GTPBP10: variants seen among roughly 807,000 people sequenced by gnomAD.
GTPBP10 encodes GTP binding protein 10.
GTPBP10 carries 38 observed loss-of-function variants against 44.8 expected under a neutral mutation model. The ratio of observed to expected loss-of-function variants is 0.85; its 90% confidence interval spans 0.65 to 1.11. The LOEUF (loss-of-function observed/expected upper bound fraction) is 1.11, where lower values mean the gene tolerates loss of function less well. Among genes scored for constraint, GTPBP10 ranks in the 50% most tolerant of loss-of-function variants. The pLI, the probability that GTPBP10 is intolerant of heterozygous loss-of-function variation, is 0.00. For synonymous variants in GTPBP10, 152 were observed against 150.6 expected (o/e 1.01, Z -0.07); for missense variants, 462 against 453.7 (o/e 1.02, Z -0.17).
intron 4 of GTPBP10, among the ~76,000 whole-genome samples, chr7:90,368,867 T>C (rs780358441): frequency 1.3e-5 from 2 of 152,226 alleles, no homozygotes; most frequent in Non-Finnish European, 2.9e-5. Context: ...TGGAGGAGAA[T>C]AGGCACTCTG....
intron 3 of GTPBP10, among the ~76,000 whole-genome samples, chr7:90,354,765 A>G (rs571894370): frequency 5.9e-5 from 9 of 152,308 alleles, no homozygotes; most frequent in East Asian, 5.8e-4. Context: ...CTTAAAATAT[A>G]TAACTAGGCT....
At chr7:90,384,077 G>A (rs1196258626) in intron 9 of GTPBP10, among the ~76,000 whole-genome samples, 1 of 152,154 alleles carries the variant, frequency 6.6e-6, no homozygotes, top group East Asian at 1.9e-4. Context: ...AATTTTCAGA[G>A]GAAATACCGA....
rs1255830888 is a variant in GTPBP10, at chr7:90,358,958, T to C, written c.464+3728T>C. On this transcript the variant is annotated intron_variant, in intron 4 of 9. Transcript: ENST00000222511. ...GACATGGACATTTCTCAAAAGAAGA[T>C]ATGCATACAAATGGCCAATACGCAT... 3.3e-5 allele frequency among the ~76,000 whole-genome samples: 5 copies of C among 152,034 alleles called. No individual in the cohort carries two copies. In the East Asian group the frequency reaches 9.6e-4, roughly 29 times the overall value.
At chr7:90,374,179 A>G (rs569460341) in intron 5 of GTPBP10, 123 bp from the exon 6 acceptor site, 12 of 738,438 alleles carry the variant, frequency 1.6e-5, no homozygotes, top group East Asian at 1.0e-4. Flanking sequence ...AATAGTTTCC[A>G]TTTTAGCAAA....
Position 90,387,458 on chromosome 7 carries a change from G to A in GTPBP10, c.*2304G>A, listed in dbSNP as rs962261112. On this transcript the variant is annotated 3_prime_UTR_variant, in exon 10 of 10. Transcript: ENST00000222511. The stretch of plus-strand genomic sequence containing the variant: ...ATATGGCTGTTCACCCTTTGGTAAA[G>A]TATTAAAGAAAAATAATGCATTGTT... The A allele has an allele frequency of 1.3e-5, 2 of 152,116 alleles. No individual in the cohort carries two copies. The highest frequency in any genetic ancestry group is 1.9e-4 in the East Asian group (1 of 5,198). The allele number at this position is 152,116 out of a possible 1,614,324, so 9.4% of individuals were successfully genotyped here.
At chr7:90,384,597 C>T (rs903753738) in intron 9 of GTPBP10, among the ~76,000 whole-genome samples, 1 of 150,842 alleles carries the variant, frequency 6.6e-6, no homozygotes, top group Non-Finnish European at 1.5e-5. Flanking sequence ...TTATTTAACC[C>T]CCCCCACACA....
chr7:90,359,680 T>C (rs576971563), intron 4 of GTPBP10, among the ~76,000 whole-genome samples: 3 of 152,292 alleles, frequency 2.0e-5, no homozygotes, highest in Non-Finnish European at 4.4e-5. Flanking sequence ...CTGGGTCAAA[T>C]GGTATTTCTA....
chr7:90,368,320 G>T (rs922826059), intron 4 of GTPBP10, among the ~76,000 whole-genome samples: 13 of 152,240 alleles, frequency 8.5e-5, no homozygotes, highest in South Asian at 8.3e-4. Flanking sequence ...GAATTTGAAT[G>T]TTGGCCGTCT....
chr7:90,389,833 T>C lies in GTPBP10; in HGVS notation c.*4679T>C, dbSNP rs1453062343. On this transcript the variant is annotated 3_prime_UTR_variant, in exon 10 of 10. Transcript: ENST00000222511. ...ATTCTTTTTAGAGACAGGGTCTCTC[T>C]GTGGAGTGCAGTGGCATGATTATAG... 1 of 152,132 alleles carries C rather than the reference T, an allele frequency of 6.6e-6. No individual in the cohort carries two copies. The highest frequency in any genetic ancestry group is 2.4e-5 in the African/African-American group (1 of 41,432). 9.4% of individuals were successfully genotyped at this position (152,132 alleles called of 1,614,324 possible).
chr7:90,369,338 A>G (rs528967899), intron 4 of GTPBP10, among the ~76,000 whole-genome samples: 1 of 152,302 alleles, frequency 6.6e-6, no homozygotes, highest in Admixed American at 6.5e-5. Context: ...GAGCTGTCAG[A>G]CAGGGACGTT....
Position 90,377,508 on chromosome 7 carries a change from T to C in GTPBP10, c.593T>C (p.Ile198Thr), listed in dbSNP as rs1486381472. 1 of 1,594,860 alleles carries C rather than the reference T, an allele frequency of 6.3e-7. No homozygotes were observed. Among genetic ancestry groups the C allele is most frequent in the East Asian group, 2.2e-5 (1 of 44,680 alleles). The change falls in exon 7 of 10, where the codon ATA (isoleucine) becomes ACA (threonine). Residue 198 changes from isoleucine to threonine, a missense_variant and splice_region_variant. Transcript: ENST00000222511. ...ATTAACCATTTAACTTTGTATTAGA[T>C]ATCAGTAGCTGATCTTCCGGGTTTA... Reference protein sequence around the residue: ...GKIMYSDFKQISVADLPGLIE... With the variant: ...GKIMYSDFKQTSVADLPGLIE...
At chr7:90,350,110 C>T (rs1441951596) in intron 1 of GTPBP10, among the ~76,000 whole-genome samples, 2 of 152,080 alleles carry the variant, frequency 1.3e-5, no homozygotes, top group East Asian at 3.9e-4. Context: ...TGTGATGTTC[C>T]CCCCGTGTCC....
chr7:90,377,717 A>G (rs1584645627), intron 7 of GTPBP10, 103 bp downstream of exon 7: 2 of 709,950 alleles, frequency 2.8e-6, no homozygotes, highest in Non-Finnish European at 4.6e-6. Context: ...AGCATATGTT[A>G]CTCCACTAAG....
intron 3 of GTPBP10, 35 bp downstream of exon 3, chr7:90,354,584 G>A (rs778300581): frequency 2.7e-6 from 3 of 1,108,486 alleles, no homozygotes; most frequent in East Asian, 2.7e-5. Context: ...TTGTAAAAAT[G>A]TGCACGTTTT....
chr7:90,383,165 G>GT, intron 9 of GTPBP10, 86 bp downstream of exon 9: 1 of 988,180 alleles, frequency 1.0e-6, no homozygotes. Flanking sequence ...AAAACTGACA[G>GT]TTTCTGCTCT....
intron 6 of GTPBP10, among the ~76,000 whole-genome samples, chr7:90,376,784 A>G (rs576227996): frequency 2.0e-5 from 3 of 152,372 alleles, no homozygotes; most frequent in South Asian, 4.1e-4. Context: ...ATAAATAATT[A>G]CAAATTGAAT....
In GTPBP10 at chr7:90,386,027, C is replaced by CTTCA; in HGVS notation, c.*874_*877dup. The CTTCA allele has an allele frequency of 3.3e-5, 5 of 151,816 alleles. No homozygotes were observed. In the South Asian group the frequency reaches 1.0e-3, roughly 32 times the overall value. The allele number at this position is 151,816 out of a possible 1,614,324, so 9.4% of individuals were successfully genotyped here. ...ATGAACCCGAGGTCGCGCCACTGCACTTCAGCCTGGGTGACAGAGCTAGAC... is the reference window on the plus strand; with the variant it reads ...ATGAACCCGAGGTCGCGCCACTGCACTTCATTCAGCCTGGGTGACAGAGCTAGAC... On this transcript the variant is annotated 3_prime_UTR_variant, in exon 10 of 10. Transcript: ENST00000222511.
At chr7:90,373,799 A>G (rs949917915) in intron 5 of GTPBP10, among the ~76,000 whole-genome samples, 2 of 152,202 alleles carry the variant, frequency 1.3e-5, no homozygotes, top group Non-Finnish European at 2.9e-5. Context: ...CATTAGGCCT[A>G]TACAGATTAT....
chr7:90,368,415 C>T (rs1012153494), intron 4 of GTPBP10, among the ~76,000 whole-genome samples: 2 of 152,210 alleles, frequency 1.3e-5, no homozygotes, highest in Non-Finnish European at 2.9e-5. Flanking sequence ...CTTTCAGGTA[C>T]AGTACACTAA....
Sources: allele counts gnomAD v4.1 joint callset (sites outside exome capture counted in the v4.1 genomes callset), GRCh38; gene constraint gnomAD v4.1.1; transcripts MANE v1.5; gene names NCBI Gene and HGNC (gene_info 2026-07-23, HGNC 2026-07-21).